The following KAZN variants were observed in gnomAD, a reference collection of about 807,000 sequenced individuals.
KAZN encodes the protein kazrin, periplakin interacting protein.
Under a neutral mutation model 87.4 loss-of-function variants are expected in KAZN, and 40 were observed. The ratio of observed to expected loss-of-function variants is 0.46; its 90% CI spans 0.36 to 0.60. The LOEUF (loss-of-function observed/expected upper bound fraction) is 0.60, where lower values mean the gene tolerates loss of function less well. KAZN is among the 20% of genes least tolerant of loss of function. The pLI, the probability that KAZN is intolerant of heterozygous loss-of-function variation, is 0.00. For synonymous variants in KAZN, 466 were observed against 458.3 expected, an observed-to-expected ratio of 1.02 and a Z score of -0.22; for missense variants, 898 against 1,073.9, an observed-to-expected ratio of 0.84 and a Z score of 2.29.
rs530804490 is a variant in KAZN at position 14,856,776 on chromosome 1, A to G, written c.227-103908A>G. Among the ~76,000 whole-genome samples the G allele has an allele frequency of 3.7e-4, 57 of 152,160 alleles. No individual in the cohort carries two copies. The highest frequency in any genetic ancestry group is 6.8e-4 in the Non-Finnish European group (46 of 68,044). On this transcript the variant is annotated intron_variant, in intron 1 of 14. Transcript: ENST00000376030. This position sits in a 1 kb window ranked among gnomAD's most constrained non-coding sequence, Gnocchi z 5.2. ...CCATTCTTCCAGGATAAAGATGAGC[A>G]TATGTTTGTTGCCGGGCTGTTGCAG...
At chr1:14,702,604 G>A (rs546904357) in intron 1 of KAZN, among the ~76,000 whole-genome samples, 20 of 152,184 alleles carry the variant, frequency 1.3e-4, no homozygotes, top group Middle Eastern at 3.4e-3. Context: ...GGTATGTATC[G>A]TGGGTGATAC....
intron 2 of KAZN, 109 bp from the exon 3 acceptor site, chr1:15,034,640 G>C (rs1037657400): frequency 7.5e-7 from 1 of 1,340,402 alleles, no homozygotes; most frequent in African/African-American, 1.5e-5. Context: ...TCTGAGCCCT[G>C]TTTTCTCACC....
At chr1:14,325,032 C>T (rs568895796) in intron 2 of KAZN, among the ~76,000 whole-genome samples, 2 of 152,282 alleles carry the variant, frequency 1.3e-5, no homozygotes, top group East Asian at 3.9e-4. Context: ...ACAGAATTTT[C>T]TTAGAAGACG....
At chr1:14,192,172 G>A (rs1646434226) in intron 2 of KAZN, among the ~76,000 whole-genome samples, 1 of 152,108 alleles carries the variant, frequency 6.6e-6, no homozygotes, top group South Asian at 2.1e-4. Flanking sequence ...AGGAACAAAG[G>A]GGAAAAGAAA....
rs191134763 is a variant in KAZN at position 14,461,127 on chromosome 1, C to A, written c.250-137856C>A. ...AACCCACAGAAATCCCATTTCCTCA[C>A]TGGGACCTGGAATCCAGCAACAGCA... On this transcript the variant is annotated intron_variant, in intron 2 of 16. Transcript: ENST00000636203. Among the ~76,000 whole-genome samples, 724 of 152,302 alleles carry A rather than the reference C, an allele frequency of 4.8e-3. 6 individuals carry two copies. The highest frequency in any genetic ancestry group is 0.017 in the African/African-American group (694 of 41,564).
At chr1:14,020,806 A>C (rs752250224) in intron 1 of KAZN, among the ~76,000 whole-genome samples, 3 of 152,202 alleles carry the variant, frequency 2.0e-5, no homozygotes, top group Non-Finnish European at 4.4e-5. Context: ...AAAGTAAAAC[A>C]TTTAGTCCAT....
intron 2 of KAZN, among the ~76,000 whole-genome samples, chr1:14,245,217 G>A (rs568850578): frequency 1.3e-5 from 2 of 151,886 alleles, no homozygotes; most frequent in East Asian, 2.0e-4. Context: ...CTCCCACCTC[G>A]GCCTCAGGAA....
intron 1 of KAZN, among the ~76,000 whole-genome samples, chr1:14,702,528 G>A (rs768150019): frequency 5.9e-5 from 9 of 152,150 alleles, no homozygotes; most frequent in Non-Finnish European, 1.3e-4. Context: ...GAGCTTCACT[G>A]ACTCTCCATG....
At chr1:14,850,824 TCCCTCCCCTAGGCAGGTGTACCTCC>T (rs1258400541) in intron 1 of KAZN, among the ~76,000 whole-genome samples, 6 of 152,050 alleles carry the variant, frequency 3.9e-5, no homozygotes, top group Non-Finnish European at 7.4e-5. Context: ...GACCACCAGA[TCCCTCCCCTAGGCAGGTGTACCTCC>T]CTAAGCCCCA....
At chr1:14,273,483 A>G (rs1445242457) in intron 2 of KAZN, among the ~76,000 whole-genome samples, 2 of 152,182 alleles carry the variant, frequency 1.3e-5, no homozygotes, top group Non-Finnish European at 2.9e-5. Flanking sequence ...TTGATTTTGA[A>G]CCATAACAAA....
intron 2 of KAZN, among the ~76,000 whole-genome samples, chr1:14,490,609 C>T (rs1669595791): frequency 6.6e-6 from 1 of 152,192 alleles, no homozygotes; most frequent in Non-Finnish European, 1.5e-5. Context: ...TCTCCTGCCT[C>T]AGCCTCCTGA....
In KAZN at chr1:15,089,732, C is replaced by CAA. The variant is rs56260619; in HGVS notation, c.1223-4419_1223-4418dup. Reference sequence around the variant, plus strand: ...GACAGCAAAGGGAAGCTTTTATTGGCAAAAAAAAAAAAAAAAAAAAAAAAA... The same window carrying CAA: ...GACAGCAAAGGGAAGCTTTTATTGGCAAAAAAAAAAAAAAAAAAAAAAAAAAA... On this transcript the variant is annotated intron_variant, in intron 8 of 14. Transcript: ENST00000376030. Among the ~76,000 whole-genome samples, 123 of 68,912 alleles carry CAA rather than the reference C, an allele frequency of 1.8e-3. 4 individuals are homozygous for CAA. The highest frequency in any genetic ancestry group is 2.2e-3 in the African/African-American group (44 of 20,428). 45.2% of individuals were successfully genotyped at this position (68,912 alleles called of 152,430 possible). A position where few individuals can be genotyped will look rare whatever the true frequency, so the allele number is the denominator to read the frequency against.
chr1:14,141,541 G>C (rs1645240716), intron 1 of KAZN, among the ~76,000 whole-genome samples: 1 of 152,034 alleles, frequency 6.6e-6, no homozygotes, highest in South Asian at 2.1e-4. Context: ...GGACTCCAAG[G>C]AGAAATGGTG....
intron 2 of KAZN, among the ~76,000 whole-genome samples, chr1:14,438,316 C>G (rs1666515361): frequency 6.6e-6 from 1 of 152,182 alleles, no homozygotes; most frequent in Non-Finnish European, 1.5e-5. Context: ...AAACAAACAT[C>G]CCTGCCCTCA....
chr1:14,689,829 A>G (rs1222520890), intron 1 of KAZN, among the ~76,000 whole-genome samples: 1 of 152,102 alleles, frequency 6.6e-6, no homozygotes, highest in Non-Finnish European at 1.5e-5. Context: ...ATGGCAGGAG[A>G]CCCGTGGAGA....
At chr1:14,460,215 C>T (rs1437980196) in intron 2 of KAZN, among the ~76,000 whole-genome samples, 1 of 152,212 alleles carries the variant, frequency 6.6e-6, no homozygotes, top group African/African-American at 2.4e-5. Context: ...TGGCCAAGAA[C>T]TCTGGGACAC....
intron 2 of KAZN, among the ~76,000 whole-genome samples, chr1:14,437,331 T>G (rs888402027): frequency 2.0e-5 from 3 of 152,212 alleles, no homozygotes; most frequent in African/African-American, 7.2e-5. Context: ...GAGGAGCATT[T>G]TCAGAACACA....
At position 14,350,051 on chromosome 1, in the gene KAZN, G is replaced by A. The variant is rs965757018; in HGVS notation, c.249+169459G>A. On this transcript the variant is annotated intron_variant, in intron 2 of 16. Coordinates refer to the KAZN transcript ENST00000636203. ...CTCGGGAGGCGTGAACCTGGGAGGCGTGAACCTGGGAGGCGGAGCTTGCAG... is the reference window on the plus strand; with the variant it reads ...CTCGGGAGGCGTGAACCTGGGAGGCATGAACCTGGGAGGCGGAGCTTGCAG... Among the ~76,000 whole-genome samples, 5 of 150,592 alleles carry A rather than the reference G, an allele frequency of 3.3e-5. No homozygotes were observed. In the East Asian group the frequency reaches 6.0e-4, roughly 18 times the overall value.
At chr1:14,988,470 G>A (rs1007963750) in intron 2 of KAZN, among the ~76,000 whole-genome samples, 5 of 152,246 alleles carry the variant, frequency 3.3e-5, no homozygotes, top group African/African-American at 1.2e-4. Context: ...CCCTGCTGGA[G>A]GGAATCGTGA....
Sources: gnomAD v4.1 joint callset for allele counts (sites outside exome capture counted in the v4.1 genomes callset) on GRCh38, gnomAD v4.1.1 for gene constraint, Gnocchi (gnomAD v3.1) non-coding constraint, MANE v1.5 for transcripts, NCBI Gene and HGNC (gene_info 2026-07-23, HGNC 2026-07-21) for gene names.